Variants in NRG3 observed in about 807,000 individuals in gnomAD.
The protein encoded by NRG3 is pro-neuregulin-3, membrane-bound isoform.
Under a neutral mutation model 66.9 loss-of-function variants are expected in NRG3, and 31 were observed. The ratio of observed to expected loss-of-function variants is 0.46; its 90% CI spans 0.35 to 0.63. The LOEUF (loss-of-function observed/expected upper bound fraction) is 0.63, where lower values mean the gene tolerates loss of function less well. NRG3 is among the 20% of genes least tolerant of loss of function. The pLI, the probability that NRG3 is intolerant of heterozygous loss-of-function variation, is 0.00. For missense variants in NRG3, 910 were observed against 878.9 expected, an observed-to-expected ratio of 1.04 and a Z score of -0.45; for synonymous variants, 393 against 359.4, an observed-to-expected ratio of 1.09 and a Z score of -1.06.
chr10:82,292,569 A>T (rs1335989556), intron 1 of NRG3, among the ~76,000 whole-genome samples: 1 of 152,196 alleles, frequency 6.6e-6, no homozygotes, highest in Non-Finnish European at 1.5e-5. Flanking sequence ...ACTAACCAAA[A>T]ATTAAAAACA....
intron 2 of NRG3, among the ~76,000 whole-genome samples, chr10:82,472,668 A>G (rs184029457): frequency 6.6e-6 from 1 of 152,322 alleles, no homozygotes; most frequent in Admixed American, 6.5e-5. Context: ...AAGGACTCCC[A>G]TGTGTGGTAA....
chr10:82,626,001 C>T (rs2049392475), intron 2 of NRG3, among the ~76,000 whole-genome samples: 1 of 152,032 alleles, frequency 6.6e-6, no homozygotes, highest in African/African-American at 2.4e-5. Flanking sequence ...TGCATTCTGC[C>T]ATTTACAGGG....
chr10:82,073,475 AT>A (rs2064920260), intron 1 of NRG3, among the ~76,000 whole-genome samples: 1 of 152,192 alleles, frequency 6.6e-6, no homozygotes. Flanking sequence ...TGTATATAAA[AT>A]ATGGCACTTT....
At chr10:82,027,055 T>A (rs2062345180) in intron 1 of NRG3, among the ~76,000 whole-genome samples, 1 of 152,084 alleles carries the variant, frequency 6.6e-6, no homozygotes, top group African/African-American at 2.4e-5. Context: ...TTCACAAGAA[T>A]AAGTGAACAA....
intron 2 of NRG3, among the ~76,000 whole-genome samples, chr10:82,721,844 T>C (rs1260640521): frequency 6.6e-6 from 1 of 152,110 alleles, no homozygotes; most frequent in Non-Finnish European, 1.5e-5. Context: ...TTGCCCAGTT[T>C]CCACATGACA....
chr10:82,405,044 G>C (rs902704038), intron 2 of NRG3, among the ~76,000 whole-genome samples: 2 of 152,114 alleles, frequency 1.3e-5, no homozygotes, highest in African/African-American at 4.8e-5. Context: ...CACAATTTCT[G>C]TTCTGATGAA....
At chr10:82,097,375 C>CACAA (rs2066409951) in intron 1 of NRG3, among the ~76,000 whole-genome samples, 1 of 139,230 alleles carries the variant, frequency 7.2e-6, no homozygotes, top group South Asian at 2.1e-4. Context: ...TGGTTACACA[C>CACAA]ACACACACAC....
At chr10:82,811,090 C>A (rs2061475208) in intron 3 of NRG3, among the ~76,000 whole-genome samples, 1 of 152,106 alleles carries the variant, frequency 6.6e-6, no homozygotes. Context: ...CTCCTTTGAG[C>A]CTCCTTTGCA....
chr10:82,852,858 G>A (rs1034534513), intron 3 of NRG3, among the ~76,000 whole-genome samples: 5 of 152,186 alleles, frequency 3.3e-5, no homozygotes, highest in Admixed American at 6.5e-5. Flanking sequence ...AAGGTAGTGG[G>A]AGCATGAGGG....
At chr10:82,919,459 G>A (rs1370107973) in intron 4 of NRG3, among the ~76,000 whole-genome samples, 3 of 152,146 alleles carry the variant, frequency 2.0e-5, no homozygotes, top group Non-Finnish European at 4.4e-5. Flanking sequence ...CTGAACACAT[G>A]GGAGTGATGA....
At chr10:82,350,151 C>A (rs10466181) in intron 1 of NRG3, among the ~76,000 whole-genome samples, 27,604 of 152,170 alleles carry the variant, frequency 0.18, 4,683 homozygotes, top group African/African-American at 0.44. Context: ...TGATTATTAG[C>A]CTCAGGTATG....
intron 4 of NRG3, among the ~76,000 whole-genome samples, chr10:82,880,687 T>TATC (rs1842225161): frequency 6.6e-6 from 1 of 152,204 alleles, no homozygotes; most frequent in Non-Finnish European, 1.5e-5. Context: ...GTAGAAGGTA[T>TATC]ATCATGGGTA....
At chr10:82,050,800 C>CTCTCTGTCTCTCCAGCCATGCCTCCAG (rs1209710695) in intron 1 of NRG3, among the ~76,000 whole-genome samples, 1 of 151,834 alleles carries the variant, frequency 6.6e-6, no homozygotes, top group Non-Finnish European at 1.5e-5. Context: ...ACTCCTCCTA[C>CTCTCTGTCTCTCCAGCCATGCCTCCAG]TCTCTGTCTC....
intron 1 of NRG3, among the ~76,000 whole-genome samples, chr10:82,032,457 A>G (rs1439394252): frequency 1.3e-5 from 2 of 151,800 alleles, no homozygotes; most frequent in Non-Finnish European, 2.9e-5. Flanking sequence ...CTGGTATGCT[A>G]TTTTTTAAAT....
At chr10:82,636,636 C>A (rs967286934) in intron 2 of NRG3, among the ~76,000 whole-genome samples, 1 of 152,120 alleles carries the variant, frequency 6.6e-6, no homozygotes, top group African/African-American at 2.4e-5. Context: ...GTTTCTTTAT[C>A]TATTTGTCCT....
intron 2 of NRG3, among the ~76,000 whole-genome samples, chr10:82,662,536 A>G (rs2052446374): frequency 6.6e-6 from 1 of 152,204 alleles, no homozygotes; most frequent in Non-Finnish European, 1.5e-5. Flanking sequence ...CCTCAGTACC[A>G]GAGACAGACA....
intron 1 of NRG3, among the ~76,000 whole-genome samples, chr10:82,156,360 A>G (rs1001863559): frequency 1.3e-5 from 2 of 151,606 alleles, no homozygotes; most frequent in East Asian, 1.9e-4. Flanking sequence ...AGGTATGTCC[A>G]TGTAACATGA....
At chr10:82,776,064 T>C (rs1448593949) in intron 3 of NRG3, among the ~76,000 whole-genome samples, 1 of 152,212 alleles carries the variant, frequency 6.6e-6, no homozygotes, top group Non-Finnish European at 1.5e-5. Flanking sequence ...ATAGTAATTA[T>C]AATCCTTTTA....
At chr10:82,507,640 C>A (rs190510936) in intron 2 of NRG3, among the ~76,000 whole-genome samples, 5 of 152,244 alleles carry the variant, frequency 3.3e-5, no homozygotes, top group African/African-American at 1.2e-4. Flanking sequence ...TCTGACCTGG[C>A]AGTTTTGAGC....
Sources: gnomAD v4.1 joint callset for allele counts (sites outside exome capture counted in the v4.1 genomes callset) on GRCh38, gnomAD v4.1.1 for gene constraint, MANE v1.5 for transcripts, NCBI Gene and HGNC (gene_info 2026-07-23, HGNC 2026-07-21) for gene names.